The following GMEB2 variants were observed in gnomAD, a reference collection of about 807,000 sequenced individuals.
GMEB2 encodes glucocorticoid modulatory element binding protein 2, also known as glucocorticoid modulatory element-binding protein 2.
A neutral mutation model predicts 45.7 loss-of-function variants in GMEB2; 7 were observed. That is an observed-to-expected ratio of 0.15 (90% confidence interval 0.09 to 0.29). GMEB2 has a LOEUF of 0.29. Among genes scored for constraint, GMEB2 ranks in the 10% least tolerant of loss-of-function variants. The probability of loss-of-function intolerance (pLI) is 1.00; values close to 1 mark genes in which losing one functional copy is unlikely to be tolerated. For missense variants in GMEB2, 582 were observed against 739.2 expected, an observed-to-expected ratio of 0.79 and a Z score of 2.47; for synonymous variants, 322 against 323.6, an observed-to-expected ratio of 1.00 and a Z score of 0.05.
Position 63,606,708 on chromosome 20 carries a change from C to G in GMEB2, c.132-1868G>C, listed in dbSNP as rs1487501052. 2.0e-5 allele frequency among the ~76,000 whole-genome samples: 3 copies of G among 152,338 alleles called. No individual in the cohort carries two copies. In the East Asian group the frequency reaches 5.8e-4, roughly 29 times the overall value. On this transcript the variant is annotated intron_variant, in intron 2 of 9. Coordinates refer to ENST00000370077, the MANE Select transcript of GMEB2 (RefSeq NM_012384.5). ...TGGCAAAATGCTTAAAACATAAGGA[C>G]AACAAACCACTTATTTCCTGATATG...
At chr20:63,598,686 G>C (rs1016609067) in intron 4 of GMEB2, among the ~76,000 whole-genome samples, 1 of 152,108 alleles carries the variant, frequency 6.6e-6, no homozygotes, top group Non-Finnish European at 1.5e-5. Flanking sequence ...TGACCCCTGT[G>C]CCACAGACGG....
intron 1 of GMEB2, among the ~76,000 whole-genome samples, chr20:63,624,609 A>T (rs2089658747): frequency 6.6e-6 from 1 of 152,342 alleles, no homozygotes; most frequent in South Asian, 2.1e-4. Flanking sequence ...GCCTCACTGC[A>T]GGCAGGGGTC....
intron 2 of GMEB2, among the ~76,000 whole-genome samples, chr20:63,611,687 G>A (rs989728627): frequency 6.6e-6 from 1 of 152,072 alleles, no homozygotes; most frequent in African/African-American, 2.4e-5. Context: ...GGAGCTAGAA[G>A]GTTCTTCTCC....
At chr20:63,610,398 G>C (rs2089560237) in intron 2 of GMEB2, among the ~76,000 whole-genome samples, 1 of 152,172 alleles carries the variant, frequency 6.6e-6, no homozygotes, top group Admixed American at 6.5e-5. Context: ...GCGGGCGCCT[G>C]TAGGCCCAGC....
Position 63,604,781 on chromosome 20 carries a change from G to A in GMEB2, c.191C>T (p.Ala64Val). The A allele has an allele frequency of 6.2e-7, 1 of 1,612,416 alleles. No homozygotes were observed. The highest frequency in any genetic ancestry group is 8.5e-7 in the Non-Finnish European group (1 of 1,178,692). Residue 64 changes from alanine (A) to valine (V), a missense_variant, in exon 3 of 10, where the codon GCC (alanine) becomes GTC (valine). Coordinates refer to ENST00000370077, the MANE Select transcript of GMEB2 (RefSeq NM_012384.5). ...TENAAAAAAA[A>V]FTASSQLKEA... ...CTTGAGCTGGGAGGAGGCTGTGAAG[G>A]CCGCGGCAGCTGCTGCCGCTGCATT...
At chr20:63,624,906 C>A (rs931982652) in intron 1 of GMEB2, among the ~76,000 whole-genome samples, 1 of 151,744 alleles carries the variant, frequency 6.6e-6, no homozygotes. Flanking sequence ...CGGGGTTTCA[C>A]CATGTTGGCC....
chr20:63,604,146 A>C (rs1199639738), intron 3 of GMEB2, among the ~76,000 whole-genome samples: 2 of 150,768 alleles, frequency 1.3e-5, no homozygotes, highest in Admixed American at 1.3e-4. Context: ...CTGGAGGATC[A>C]CATGAGGCCA....
rs116153721 is a variant in GMEB2 at position 63,616,093 on chromosome 20, G to T, written c.131+3174C>A. On this transcript the variant is annotated intron_variant, in intron 2 of 9. Coordinates refer to ENST00000370077, the MANE Select transcript of GMEB2 (RefSeq NM_012384.5). Reference sequence around the variant, plus strand: ...ACCATATATATTTTGTAATAAAAATGGTTATATTTAATTTTTTAAAGGCTG... The same window carrying T: ...ACCATATATATTTTGTAATAAAAATTGTTATATTTAATTTTTTAAAGGCTG... Among the ~76,000 whole-genome samples, 1,492 of 152,106 alleles carry T rather than the reference G, an allele frequency of 9.8e-3. 27 individuals carry two copies. Among genetic ancestry groups the T allele is most frequent in the African/African-American group, 0.034 (1,426 of 41,484 alleles).
chr20:63,595,772 G>A lies in GMEB2; in HGVS notation c.462-5C>T. ...TCCCCGGAGTCCATGATCTTCCTGT[G>A]ACAGACAGTGGCATGGAGCGTCCAG... On this transcript the variant is annotated splice_region_variant and splice_polypyrimidine_tract_variant and intron_variant, in intron 5 of 9. Transcript: ENST00000370077. The A allele has an allele frequency of 6.2e-7, 1 of 1,613,758 alleles. No individual in the cohort carries two copies. Among genetic ancestry groups the A allele is most frequent in the Non-Finnish European group, 8.5e-7 (1 of 1,179,710 alleles).
chr20:63,596,278 C>T (rs2083200445), intron 5 of GMEB2, among the ~76,000 whole-genome samples: 1 of 152,254 alleles, frequency 6.6e-6, no homozygotes, highest in Admixed American at 6.5e-5. Flanking sequence ...CGCTCATCCT[C>T]ATCTTTACCA....
At position 63,590,118 on chromosome 20, in the gene GMEB2, C is replaced by T. The variant is rs2146039315; in HGVS notation, c.1564G>A (p.Ala522Thr). 1 of 1,521,732 alleles carries T rather than the reference C, an allele frequency of 6.6e-7. No homozygotes were observed. Among genetic ancestry groups the T allele is most frequent in the East Asian group, 2.3e-5 (1 of 43,410 alleles). The allele number at this position is 1,521,732 out of a possible 1,614,324, so 94.3% of individuals were successfully genotyped here. The change falls in exon 10 of 10, where the codon GCC (alanine) becomes ACC (threonine). Residue 522 changes from alanine (A) to threonine (T), a missense_variant. This residue lies in a region of GMEB2 where 462 missense variants were observed against 586.7 expected (regional missense o/e 0.79). Coordinates refer to ENST00000370077, the MANE Select transcript of GMEB2 (RefSeq NM_012384.5). Reference sequence around the variant, plus strand: ...TTCCGCTCGTGGTCCTCTGCCATGGCAGCCACCTCAATGGTGGCCGTGTGC... The same window carrying T: ...TTCCGCTCGTGGTCCTCTGCCATGGTAGCCACCTCAATGGTGGCCGTGTGC... ...EEHTATIEVA[A>T]MAEDHERK
Position 63,590,385 on chromosome 20 carries a change from C to G in GMEB2, c.1297G>C (p.Val433Leu), listed in dbSNP as rs138097488. Residue 433 changes from valine to leucine, a missense_variant, in exon 10 of 10, where the codon GTC becomes CTC. Physicochemically the swap from Val to Leu is conservative, Grantham distance 32 (BLOSUM62 1). Around this residue, in one of 3 missense-constraint regions of GMEB2, gnomAD observed 462 missense variants for 586.7 expected, o/e 0.79. Transcript: ENST00000370077. ...TAGGTGGAGCCGGAAGAGGCCAAGA[C>G]TGTGTATCCCCCGAGCAGCGGGGAG... ...PASPLLGGYT[V>L]LASSGSTYPS... The G allele has an allele frequency of 9.4e-6, 15 of 1,596,912 alleles. No homozygotes were observed. In the African/African-American group the frequency reaches 2.0e-4, roughly 21 times the overall value.
Position 63,597,612 on chromosome 20 carries a change from A to G in GMEB2, c.461+145T>C. On this transcript the variant is annotated intron_variant, in intron 5 of 9. Transcript: ENST00000370077. ...AGACGGGTTTACAGTTTTGGGTGTGAGCAGGTGCAGCAGCCACCCGGGAGG... is the reference window on the plus strand; with the variant it reads ...AGACGGGTTTACAGTTTTGGGTGTGGGCAGGTGCAGCAGCCACCCGGGAGG... 4 of 615,918 alleles carry G rather than the reference A, an allele frequency of 6.5e-6. 1 individual carries two copies. In the Admixed American group the frequency reaches 7.4e-5, roughly 11 times the overall value. 38.2% of individuals were successfully genotyped at this position (615,918 alleles called of 1,614,324 possible). A position where few individuals can be genotyped will look rare whatever the true frequency, so the allele number is the denominator to read the frequency against.
At chr20:63,623,525 G>A (rs376851605) in intron 1 of GMEB2, among the ~76,000 whole-genome samples, 49 of 152,266 alleles carry the variant, frequency 3.2e-4, no homozygotes, top group Middle Eastern at 3.4e-3. Context: ...TAGGCCGGGC[G>A]CGGTGGCTCA....
intron 2 of GMEB2, among the ~76,000 whole-genome samples, chr20:63,610,686 C>T (rs950767678): frequency 6.6e-6 from 1 of 152,212 alleles, no homozygotes; most frequent in African/African-American, 2.4e-5. Flanking sequence ...GAGAAGAAGG[C>T]GCATGCAGAC....
In GMEB2 at chr20:63,590,369, C is replaced by G; in HGVS notation, c.1313G>C (p.Gly438Ala). 1 of 1,605,550 alleles carries G rather than the reference C, an allele frequency of 6.2e-7. No homozygotes were observed. The highest frequency in any genetic ancestry group is 8.5e-7 in the Non-Finnish European group (1 of 1,174,546). ...CTCCACTGTGCTGGGGTAGGTGGAG[C>G]CGGAAGAGGCCAAGACTGTGTATCC... ...LGGYTVLASS[G>A]STYPSTVEIH... Residue 438 changes from glycine (G) to alanine (A), a missense_variant, in exon 10 of 10, where the codon GGC becomes GCC. By Grantham distance (60) the Gly-to-Ala change is moderately conservative (BLOSUM62 0). This residue lies in a region of GMEB2 where 462 missense variants were observed against 586.7 expected (regional missense o/e 0.79). Transcript: ENST00000370077.
rs768536577 is a variant in GMEB2, at chr20:63,596,653, A to G, written c.462-886T>C. On this transcript the variant is annotated intron_variant, in intron 5 of 9. Coordinates refer to ENST00000370077, the MANE Select transcript of GMEB2 (RefSeq NM_012384.5). ...GTCTCAAACTCTGACTCCAGCACAA[A>G]GCAGGGGCCCTCCTTGGGAAGCAAG... Among the ~76,000 whole-genome samples the G allele has an allele frequency of 1.3e-5, 2 of 152,356 alleles. 1 individual carries two copies. Among genetic ancestry groups the G allele is most frequent in the South Asian group, 4.1e-4 (2 of 4,830 alleles).
intron 4 of GMEB2, among the ~76,000 whole-genome samples, chr20:63,599,848 T>A (rs1227032481): frequency 1.3e-5 from 2 of 152,158 alleles, no homozygotes; most frequent in Non-Finnish European, 2.9e-5. Flanking sequence ...CCTGTGCACG[T>A]GCAGCTACTG....
At chr20:63,615,197 G>A (rs555372030) in intron 2 of GMEB2, among the ~76,000 whole-genome samples, 5 of 152,248 alleles carry the variant, frequency 3.3e-5, no homozygotes, top group East Asian at 1.9e-4. Flanking sequence ...CAGTCTCCTC[G>A]TTGAGCCAGT....
Sources: gnomAD v4.1 joint callset for allele counts (sites outside exome capture counted in the v4.1 genomes callset) on GRCh38, gnomAD v4.1.1 for gene constraint, gnomAD v4.1.1 regional missense constraint, MANE v1.5 for transcripts, NCBI Gene and HGNC (gene_info 2026-07-23, HGNC 2026-07-21) for gene names.